The following ATP10A variants were observed in gnomAD, a reference collection of about 807,000 sequenced individuals.
ATP10A encodes ATPase phospholipid transporting 10A (putative), also known as phospholipid-transporting ATPase VA.
In ATP10A, 111 loss-of-function variants were observed where a neutral mutation model predicts 147.8. That is an observed-to-expected ratio of 0.75 (90% CI 0.64 to 0.88). ATP10A has a LOEUF of 0.88. Among genes scored for constraint, ATP10A ranks in the 40% least tolerant of loss-of-function variants. The pLI, the probability that ATP10A is intolerant of heterozygous loss-of-function variation, is 0.00. For synonymous variants in ATP10A, 875 were observed against 841.6 expected, an observed-to-expected ratio of 1.04 and a Z score of -0.69; for missense variants, 1,927 against 1,959.0, an observed-to-expected ratio of 0.98 and a Z score of 0.31.
chr15:25,747,847 G>A (rs558194870), intron 2 of ATP10A, among the ~76,000 whole-genome samples: 19 of 152,260 alleles, frequency 1.2e-4, no homozygotes, highest in Non-Finnish European at 2.5e-4. Flanking sequence ...TCTTCCAGTA[G>A]TGAGAACAAA....
At chr15:25,774,666 A>G (rs774356630) in intron 2 of ATP10A, among the ~76,000 whole-genome samples, 1 of 151,760 alleles carries the variant, frequency 6.6e-6, no homozygotes, top group South Asian at 2.1e-4. Context: ...AAGGCAAAGA[A>G]TCCATTATGA....
chr15:25,801,203 G>A (rs937640546), intron 1 of ATP10A, among the ~76,000 whole-genome samples: 6 of 152,104 alleles, frequency 3.9e-5, no homozygotes, highest in African/African-American at 1.4e-4. Context: ...AAATGCCCAA[G>A]GCCACTCAGC....
chr15:25,731,941 GA>G, intron 3 of ATP10A, among the ~76,000 whole-genome samples: 1 of 151,922 alleles, frequency 6.6e-6, no homozygotes, highest in African/African-American at 2.4e-5. Context: ...CTGCAGCCTG[GA>G]CCTCCTGAGC....
At chr15:25,831,201 T>C (rs1892341402) in intron 1 of ATP10A, among the ~76,000 whole-genome samples, 2 of 152,096 alleles carry the variant, frequency 1.3e-5, no homozygotes, top group Admixed American at 1.3e-4. Context: ...CCCACCTCAT[T>C]CCAAAGCTGT....
intron 5 of ATP10A, 58 bp from the exon 6 acceptor site, chr15:25,724,079 T>C (rs988145828): frequency 2.7e-5 from 39 of 1,420,574 alleles, no homozygotes; most frequent in African/African-American, 1.3e-4. Flanking sequence ...AGAATATTGC[T>C]AGCGTATATT....
At chr15:25,741,712 GA>G (rs1276595292) in intron 2 of ATP10A, among the ~76,000 whole-genome samples, 1 of 152,188 alleles carries the variant, frequency 6.6e-6, no homozygotes, top group African/African-American at 2.4e-5. Context: ...ACGAATGAGT[GA>G]ATTTACTTTT....
intron 17 of ATP10A, among the ~76,000 whole-genome samples, chr15:25,681,574 C>T (rs529198920): frequency 1.1e-4 from 17 of 152,244 alleles, no homozygotes; most frequent in Admixed American, 2.0e-4. Flanking sequence ...GGATGCTACA[C>T]GTAAGTTAAT....
At chr15:25,770,532 G>T (rs1889281476) in intron 2 of ATP10A, among the ~76,000 whole-genome samples, 1 of 152,214 alleles carries the variant, frequency 6.6e-6, no homozygotes, top group South Asian at 2.1e-4. Flanking sequence ...ACAGGCAAGT[G>T]CCCAGTGTCA....
chr15:25,772,357 C>T (rs17637170), intron 2 of ATP10A, among the ~76,000 whole-genome samples: 94,698 of 151,956 alleles, frequency 0.62, 29,629 homozygotes, highest in East Asian at 0.72. Context: ...CTTCAGAACC[C>T]GACTTTGCAC....
At chr15:25,790,567 G>T (rs1343422798) in intron 1 of ATP10A, among the ~76,000 whole-genome samples, 1 of 152,214 alleles carries the variant, frequency 6.6e-6, no homozygotes, top group Non-Finnish European at 1.5e-5. Context: ...GACACACCAT[G>T]CTATGCTCAC....
intron 1 of ATP10A, among the ~76,000 whole-genome samples, chr15:25,788,872 C>T (rs1212903292): frequency 1.3e-5 from 2 of 152,170 alleles, no homozygotes; most frequent in African/African-American, 2.4e-5. Context: ...GAGAAAGCTC[C>T]AATTAAATCT....
intron 16 of ATP10A, chr15:25,683,760 T>G: frequency 2.0e-6 from 1 of 495,812 alleles, no homozygotes; most frequent in Non-Finnish European, 3.6e-6. Context: ...GGGATGAGAT[T>G]TTTGTGCTTG....
At chr15:25,752,794 A>G (rs1300847844) in intron 2 of ATP10A, among the ~76,000 whole-genome samples, 5 of 152,162 alleles carry the variant, frequency 3.3e-5, no homozygotes, top group Non-Finnish European at 5.9e-5. Flanking sequence ...ATCCATGAAC[A>G]TAGGATGTCT....
chr15:25,792,792 C>T (rs927741906), intron 1 of ATP10A, among the ~76,000 whole-genome samples: 1 of 152,022 alleles, frequency 6.6e-6, no homozygotes, highest in Non-Finnish European at 1.5e-5. Flanking sequence ...GGGCTCTCAT[C>T]GCTGAGACCA....
At chr15:25,689,706 C>A (rs1899909798) in intron 15 of ATP10A, among the ~76,000 whole-genome samples, 1 of 152,222 alleles carries the variant, frequency 6.6e-6, no homozygotes, top group African/African-American at 2.4e-5. Flanking sequence ...TGCCCAGCAA[C>A]CTCCTCCCCA....
Position 25,727,163 on chromosome 15 carries a change from C to A in ATP10A, c.844G>T (p.Ala282Ser). The A allele has an allele frequency of 6.2e-7, 1 of 1,613,882 alleles. No individual in the cohort carries two copies. The highest frequency in any genetic ancestry group is 2.2e-5 in the East Asian group (1 of 44,862). The change falls in exon 4 of 21, where the codon GCA (alanine) becomes TCA (serine). Residue 282 changes from alanine to serine, a missense_variant. Coordinates refer to ENST00000555815, the MANE Select transcript of ATP10A (RefSeq NM_024490.4). ...GGTGCCAGGTGCCCGAGCCTACCTG[C>A]GTAGATGACAATGCCGACGACTGCG... ...TDAVVGIVIY[A>S]GHETKALLNN...
intron 13 of ATP10A, among the ~76,000 whole-genome samples, chr15:25,701,384 G>T (rs1900653059): frequency 6.6e-6 from 1 of 152,202 alleles, no homozygotes; most frequent in Non-Finnish European, 1.5e-5. Flanking sequence ...GGGAGGAGCA[G>T]ATCAGCCACA....
At chr15:25,777,058 G>GGT (rs143737539) in intron 2 of ATP10A, among the ~76,000 whole-genome samples, 9 of 150,330 alleles carry the variant, frequency 6.0e-5, no homozygotes, top group South Asian at 4.2e-4. Flanking sequence ...CTTTAGGTGG[G>GGT]GTGTGTGTGT....
intron 1 of ATP10A, among the ~76,000 whole-genome samples, chr15:25,810,705 C>T (rs573864168): frequency 6.6e-6 from 1 of 152,106 alleles, no homozygotes; most frequent in Non-Finnish European, 1.5e-5. Flanking sequence ...CTGGGCAGGA[C>T]GAGGAGCCCA....
Sources: allele counts gnomAD v4.1 joint callset (sites outside exome capture counted in the v4.1 genomes callset), GRCh38; gene constraint gnomAD v4.1.1; transcripts MANE v1.5; gene names NCBI Gene and HGNC (gene_info 2026-07-23, HGNC 2026-07-21).